RGS6: variants seen among roughly 807,000 people sequenced by gnomAD.
RGS6 encodes regulator of G-protein signaling 6.
Under a neutral mutation model 78.5 loss-of-function variants are expected in RGS6, and 30 were observed. The observed-to-expected ratio is 0.38, with a 90% CI of 0.29 to 0.52. The LOEUF (loss-of-function observed/expected upper bound fraction) is 0.52. Ranked by LOEUF, RGS6 falls within the 20% of genes least tolerant of loss-of-function variation. The pLI, the probability that RGS6 is intolerant of heterozygous loss-of-function variation, is 0.85. For synonymous variants in RGS6, 206 were observed against 206.0 expected (o/e 1.00, Z 0.00); for missense variants, 495 against 609.7 (o/e 0.81, Z 1.98).
the RGS6 span, among the ~76,000 whole-genome samples, chr14:71,875,190 T>A: frequency 1.3e-5 from 2 of 152,222 alleles, no homozygotes; most frequent in Admixed American, 6.5e-5. Context: ...CCTCTTTTTC[T>A]ATTGATTGGA....
chr14:72,562,405 GTC>G lies in RGS6; in HGVS notation c.1423-6_1423-5del. 6.2e-7 allele frequency: 1 copy of G among 1,612,190 alleles called. No individual in the cohort carries two copies. The highest frequency in any genetic ancestry group is 8.5e-7 in the Non-Finnish European group (1 of 1,179,898). On this transcript the variant is annotated splice_polypyrimidine_tract_variant and intron_variant, in intron 17 of 17. Transcript: ENST00000553525. Reference sequence around the variant, plus strand: ...CGCCTGTGCGTGCCTCTCTGTCGCTGTCTCTCTGCAGGGAAAGTCGCTGGCGG... The same window carrying G: ...CGCCTGTGCGTGCCTCTCTGTCGCTGTCTCTGCAGGGAAAGTCGCTGGCGG...
At chr14:72,541,650 C>G (rs2097329181) in intron 17 of RGS6, 1 of 1,532,646 alleles carries the variant, frequency 6.5e-7, no homozygotes. Flanking sequence ...CTCTGTTTGT[C>G]TCTTTTGAGG....
intron 2 of RGS6, among the ~76,000 whole-genome samples, chr14:72,310,619 A>G (rs2068366947): frequency 6.6e-6 from 1 of 152,222 alleles, no homozygotes; most frequent in South Asian, 2.1e-4. Context: ...GGTGGCTAAT[A>G]TGCATGGAGT....
intron 2 of RGS6, among the ~76,000 whole-genome samples, chr14:72,159,417 G>A (rs761872391): frequency 2.6e-5 from 4 of 152,200 alleles, no homozygotes; most frequent in Non-Finnish European, 2.9e-5. Flanking sequence ...AGAGGCAAAC[G>A]CTGGATGAGA....
intron 2 of RGS6, among the ~76,000 whole-genome samples, chr14:72,164,781 A>G (rs1200199950): frequency 6.6e-6 from 1 of 152,214 alleles, no homozygotes; most frequent in African/African-American, 2.4e-5. Context: ...TAGTGGAGGT[A>G]CATTTTGAAT....
chr14:72,013,930 C>T (rs1199842862), intron 2 of RGS6, among the ~76,000 whole-genome samples: 1 of 152,200 alleles, frequency 6.6e-6, no homozygotes, highest in South Asian at 2.1e-4. Flanking sequence ...TGTGTGTGCT[C>T]AGTCCTTATT....
At chr14:72,027,206 T>G (rs2090035118) in intron 2 of RGS6, among the ~76,000 whole-genome samples, 1 of 151,288 alleles carries the variant, frequency 6.6e-6, no homozygotes, top group African/African-American at 2.4e-5. Context: ...AAGGACTATG[T>G]CCTCTGCTTT....
At chr14:71,901,624 A>T in the RGS6 span, among the ~76,000 whole-genome samples, 1 of 152,170 alleles carries the variant, frequency 6.6e-6, no homozygotes, top group South Asian at 2.1e-4. Flanking sequence ...CCCCGTTGAC[A>T]TCCCAGGCCA....
intron 2 of RGS6, among the ~76,000 whole-genome samples, chr14:72,327,413 C>A (rs1001700085): frequency 6.6e-6 from 1 of 152,170 alleles, no homozygotes; most frequent in African/African-American, 2.4e-5. Context: ...TCTTTCCCCC[C>A]AGAATTAAAG....
At chr14:71,979,044 T>G (rs1019408353) in intron 2 of RGS6, among the ~76,000 whole-genome samples, 2 of 151,736 alleles carry the variant, frequency 1.3e-5, no homozygotes, top group Non-Finnish European at 2.9e-5. Context: ...TTCTAGTTTA[T>G]TTGCGTAGAG....
intron 2 of RGS6, among the ~76,000 whole-genome samples, chr14:72,154,058 A>G (rs1409047296): frequency 6.6e-6 from 1 of 152,116 alleles, no homozygotes. Flanking sequence ...TCGCCCCAGG[A>G]ATGCATTCGT....
chr14:71,917,363 T>G, the RGS6 span, among the ~76,000 whole-genome samples: 1 of 151,798 alleles, frequency 6.6e-6, no homozygotes, highest in South Asian at 2.1e-4. Flanking sequence ...CACACCCTTT[T>G]CTGCTGCTGC....
At chr14:72,360,840 A>T (rs1269912492) in intron 3 of RGS6, among the ~76,000 whole-genome samples, 1 of 152,084 alleles carries the variant, frequency 6.6e-6, no homozygotes, top group Non-Finnish European at 1.5e-5. Flanking sequence ...CATAATCCGC[A>T]CATGTCGAGG....
intron 2 of RGS6, among the ~76,000 whole-genome samples, chr14:72,202,884 G>GT (rs2041874206): frequency 2.0e-5 from 3 of 151,718 alleles, no homozygotes; most frequent in Admixed American, 2.0e-4. Context: ...GTTTTGTTTT[G>GT]TTTTTTGAGG....
intron 3 of RGS6, among the ~76,000 whole-genome samples, chr14:72,418,763 G>C (rs17180489): frequency 0.1 from 15,702 of 152,156 alleles, 1,094 homozygotes; most frequent in Middle Eastern, 0.24. Context: ...AATCGCAGCA[G>C]ATAAAAAGAC....
intron 2 of RGS6, among the ~76,000 whole-genome samples, chr14:72,230,968 T>A (rs992448832): frequency 6.6e-6 from 1 of 152,224 alleles, no homozygotes; most frequent in African/African-American, 2.4e-5. Context: ...CCAGTCTGCA[T>A]GACACTAGAT....
Position 72,514,883 on chromosome 14 carries a change from T to C in RGS6, c.1092-3468T>C, listed in dbSNP as rs186011439. ...TTCCAAAGCTTCAAGGGGCTTCCCATGGGCAGCAGATGTGCAGAGAGGAGC... is the reference window on the plus strand; with the variant it reads ...TTCCAAAGCTTCAAGGGGCTTCCCACGGGCAGCAGATGTGCAGAGAGGAGC... On this transcript the variant is annotated intron_variant, in intron 14 of 17. Transcript: ENST00000553525. 3.7e-4 allele frequency among the ~76,000 whole-genome samples: 56 copies of C among 152,308 alleles called. 1 individual carries two copies. Among genetic ancestry groups the C allele is most frequent in the African/African-American group, 1.0e-3 (43 of 41,568 alleles).
chr14:71,999,367 G>GC (rs1278688973), intron 2 of RGS6, among the ~76,000 whole-genome samples: 2 of 152,234 alleles, frequency 1.3e-5, no homozygotes, highest in Non-Finnish European at 2.9e-5. Context: ...CATGGTAAAT[G>GC]CTCCCGGGAT....
chr14:72,454,695 A>T, intron 4 of RGS6, 117 bp downstream of exon 4: 1 of 712,732 alleles, frequency 1.4e-6, no homozygotes, highest in Non-Finnish European at 2.4e-6. Context: ...TGTGAATTCC[A>T]AGACGTGGAA....
Sources: allele counts gnomAD v4.1 joint callset (sites outside exome capture counted in the v4.1 genomes callset), GRCh38; gene constraint gnomAD v4.1.1; transcripts MANE v1.5; gene names NCBI Gene and HGNC (gene_info 2026-07-23, HGNC 2026-07-21).